The following ETV6 variants were observed in gnomAD, a reference collection of about 807,000 sequenced individuals.
The protein encoded by ETV6 is ETS variant transcription factor 6.
ETV6 carries 16 observed loss-of-function variants against 51.1 expected under a neutral mutation model. The observed-to-expected ratio is 0.31, with a 90% CI of 0.21 to 0.48. The LOEUF (loss-of-function observed/expected upper bound fraction) is 0.48, where lower values mean the gene tolerates loss of function less well. Among genes scored for constraint, ETV6 ranks in the 20% least tolerant of loss-of-function variants. The pLI is 0.99. For missense variants in ETV6, 458 were observed against 594.8 expected (o/e 0.77, Z 2.39); for synonymous variants, 240 against 224.1 (o/e 1.07, Z -0.64).
intron 1 of ETV6, among the ~76,000 whole-genome samples, chr12:11,662,009 C>T (rs572572940): frequency 1.6e-4 from 25 of 152,178 alleles, no homozygotes; most frequent in Admixed American, 5.2e-4. Flanking sequence ...TAACTTTCGC[C>T]GAGACAGGCA....
chr12:11,870,060 A>G, intron 5 of ETV6, 91 bp downstream of exon 5: 1 of 1,438,668 alleles, frequency 7.0e-7, no homozygotes, highest in Non-Finnish European at 9.3e-7. Flanking sequence ...GCCTCGCACC[A>G]TTCCCAATTA....
At chr12:11,678,311 A>G (rs1414006126) in intron 1 of ETV6, among the ~76,000 whole-genome samples, 3 of 152,200 alleles carry the variant, frequency 2.0e-5, no homozygotes, top group Non-Finnish European at 4.4e-5. Context: ...CCCGAGGTAA[A>G]GGAACCTCTT....
At chr12:11,682,339 A>T (rs371648592) in intron 1 of ETV6, among the ~76,000 whole-genome samples, 2 of 151,904 alleles carry the variant, frequency 1.3e-5, no homozygotes, top group Non-Finnish European at 2.9e-5. Context: ...TTTTTTTCGT[A>T]TGTTTGTTGA....
chr12:11,720,319 A>C (rs909484406), intron 1 of ETV6, among the ~76,000 whole-genome samples: 7 of 152,220 alleles, frequency 4.6e-5, no homozygotes, highest in Admixed American at 2.6e-4. Flanking sequence ...GTATGGTTAA[A>C]CAGCACAGTT....
chr12:11,691,376 C>T (rs951835351), intron 1 of ETV6, among the ~76,000 whole-genome samples: 1 of 152,156 alleles, frequency 6.6e-6, no homozygotes, highest in Non-Finnish European at 1.5e-5. Flanking sequence ...GCCATCCTTC[C>T]CACACCTCCT....
At chr12:11,840,479 C>A (rs1354633004) in intron 3 of ETV6, 2 of 456,070 alleles carry the variant, frequency 4.4e-6, no homozygotes, top group Non-Finnish European at 8.8e-6. Context: ...TCTGATGTAA[C>A]TTGACAAAGG....
intron 2 of ETV6, among the ~76,000 whole-genome samples, chr12:11,792,645 C>A (rs1448124318): frequency 1.3e-5 from 2 of 151,706 alleles, no homozygotes; most frequent in African/African-American, 4.8e-5. Flanking sequence ...TGAGATTGTG[C>A]CACTGCACTT....
chr12:11,765,629 C>G (rs1945150971), intron 2 of ETV6, among the ~76,000 whole-genome samples: 1 of 151,968 alleles, frequency 6.6e-6, no homozygotes. Flanking sequence ...CACAATATGT[C>G]TGAGAGATTA....
intron 1 of ETV6, among the ~76,000 whole-genome samples, chr12:11,700,541 A>G (rs991005181): frequency 6.6e-5 from 10 of 152,184 alleles, no homozygotes; most frequent in African/African-American, 2.4e-4. Flanking sequence ...CTAATAGCCT[A>G]CTGCTGACTA....
Position 11,869,779 on chromosome 12 carries a change from C to G in ETV6, c.819C>G (p.Ile273Met), listed in dbSNP as rs1378709533. 1.2e-6 allele frequency: 2 copies of G among 1,613,288 alleles called. No homozygotes were observed. Among genetic ancestry groups the G allele is most frequent in the East Asian group, 2.2e-5 (1 of 44,892 alleles). Residue 273 changes from isoleucine to methionine, a missense_variant, in exon 5 of 8, where the codon ATC becomes ATG. Physicochemically the swap from Ile to Met is conservative, Grantham distance 10. Transcript: ENST00000396373. The surrounding 1 kb of genome is among the most constrained non-coding windows in gnomAD (Gnocchi z 5.0). ...TGATCCAGCTGATGCCCAGCCCCAT[C>G]ATGCACCCTCTGATCCTGAACCCCC... ...TRVIQLMPSP[I>M]MHPLILNPRH...
intron 2 of ETV6, among the ~76,000 whole-genome samples, chr12:11,831,699 A>G (rs1416541824): frequency 6.6e-6 from 1 of 152,264 alleles, no homozygotes; most frequent in African/African-American, 2.4e-5. Context: ...TTACATATGT[A>G]CACATACTAT....
At chr12:11,822,715 C>T (rs1411074796) in intron 2 of ETV6, among the ~76,000 whole-genome samples, 1 of 152,118 alleles carries the variant, frequency 6.6e-6, no homozygotes, top group Non-Finnish European at 1.5e-5. Context: ...GTGCTTTTGT[C>T]AGTGAATTGC....
intron 1 of ETV6, among the ~76,000 whole-genome samples, chr12:11,701,846 A>G (rs1864989354): frequency 6.6e-6 from 1 of 152,164 alleles, no homozygotes; most frequent in African/African-American, 2.4e-5. Context: ...GAGAGGTCAT[A>G]TTTCAAACAG....
In ETV6 at chr12:11,750,732, A is replaced by C. The variant is rs146521095; in HGVS notation, c.34-1718A>C. On this transcript the variant is annotated intron_variant, in intron 1 of 7. Transcript: ENST00000396373. ...TAAAAACAGACTGTTTGAAATGCTC[A>C]GAAGCCCACCTCACCTTTAAAAACC... The C allele has an allele frequency of 6.8e-4, 292 of 430,940 alleles. 2 individuals carry two copies. The highest frequency in any genetic ancestry group is 5.7e-3 in the African/African-American group (275 of 48,186). 26.7% of individuals were successfully genotyped at this position (430,940 alleles called of 1,614,324 possible).
At chr12:11,773,583 G>A (rs541648106) in intron 2 of ETV6, among the ~76,000 whole-genome samples, 1 of 152,312 alleles carries the variant, frequency 6.6e-6, no homozygotes, top group South Asian at 2.1e-4. Context: ...TGATAGCTGT[G>A]AACCCCTTTG....
intron 2 of ETV6, chr12:11,825,672 T>C (rs1206181673): frequency 6.6e-6 from 1 of 152,208 alleles, no homozygotes; most frequent in African/African-American, 2.4e-5. Flanking sequence ...CGGACATTTC[T>C]ATTTGGCAGC....
chr12:11,689,810 C>G lies in ETV6; in HGVS notation c.33+39650C>G, dbSNP rs79106738. Among the ~76,000 whole-genome samples, 11 of 11,838 alleles carry G rather than the reference C, an allele frequency of 9.3e-4. 1 individual carries two copies. The highest frequency in any genetic ancestry group is 1.3e-3 in the Non-Finnish European group (9 of 6,920). The allele number at this position is 11,838 out of a possible 152,430, so 7.8% of individuals were successfully genotyped here. On this transcript the variant is annotated intron_variant, in intron 1 of 7. Coordinates refer to ENST00000396373, the MANE Select transcript of ETV6 (RefSeq NM_001987.5). ...TCTCCCACTGGGAGTCTTTTTCCCT[C>G]CCCCCCCCCCCCACCCCCCTTTGTC...
At chr12:11,815,859 G>A (rs934338293) in intron 2 of ETV6, among the ~76,000 whole-genome samples, 11 of 152,140 alleles carry the variant, frequency 7.2e-5, no homozygotes, top group Non-Finnish European at 8.8e-5. Flanking sequence ...TTATTGAAGG[G>A]TTTAAAACTC....
At chr12:11,765,600 C>A (rs570488250) in intron 2 of ETV6, among the ~76,000 whole-genome samples, 2 of 152,164 alleles carry the variant, frequency 1.3e-5, no homozygotes, top group Admixed American at 1.3e-4. Flanking sequence ...CTGCTGTGGG[C>A]TCTCACCACT....
Sources: gnomAD v4.1 joint callset for allele counts (sites outside exome capture counted in the v4.1 genomes callset) on GRCh38, gnomAD v4.1.1 for gene constraint, Gnocchi (gnomAD v3.1) non-coding constraint, MANE v1.5 for transcripts, NCBI Gene and HGNC (gene_info 2026-07-23, HGNC 2026-07-21) for gene names.